Variants in BRMS1L observed in about 807,000 individuals in gnomAD.
The protein encoded by BRMS1L is breast cancer metastasis-suppressor 1-like protein.
A neutral mutation model predicts 50.3 loss-of-function variants in BRMS1L; 23 were observed. The ratio of observed to expected loss-of-function variants is 0.46; its 90% confidence interval spans 0.33 to 0.65. BRMS1L has a LOEUF of 0.65. Among genes scored for constraint, BRMS1L ranks in the 30% least tolerant of loss-of-function variants. The pLI is 0.02. For synonymous variants in BRMS1L, 114 were observed against 126.9 expected, an observed-to-expected ratio of 0.90 and a Z score of 0.69; for missense variants, 286 against 386.1, an observed-to-expected ratio of 0.74 and a Z score of 2.17.
chr14:35,846,546 A>G (rs1450712400), intron 4 of BRMS1L, among the ~76,000 whole-genome samples: 1 of 152,146 alleles, frequency 6.6e-6, no homozygotes, highest in East Asian at 1.9e-4. Flanking sequence ...ATTTCAGGCC[A>G]GTTATTTTGT....
chr14:35,859,558 G>A (rs2142059476), intron 4 of BRMS1L, among the ~76,000 whole-genome samples: 1 of 152,292 alleles, frequency 6.6e-6, no homozygotes, highest in South Asian at 2.1e-4. Context: ...TCTTGGTATT[G>A]TGGGATTGTG....
intron 6 of BRMS1L, among the ~76,000 whole-genome samples, chr14:35,864,683 C>A (rs145607520): frequency 4.5e-3 from 691 of 152,164 alleles, no homozygotes; most frequent in African/African-American, 0.015. Flanking sequence ...CCTTAAAAAC[C>A]AGTGATTGTG....
intron 6 of BRMS1L, among the ~76,000 whole-genome samples, chr14:35,864,660 C>T (rs992895638): frequency 2.6e-5 from 4 of 152,184 alleles, no homozygotes; most frequent in African/African-American, 4.8e-5. Flanking sequence ...CTACCCCCAT[C>T]TTTTCCCCTC....
At chr14:35,868,582 G>T (rs2142066571) in intron 9 of BRMS1L, among the ~76,000 whole-genome samples, 1 of 152,268 alleles carries the variant, frequency 6.6e-6, no homozygotes, top group Non-Finnish European at 1.5e-5. Flanking sequence ...AGGAGTTCAA[G>T]ACTAGCTTGG....
At position 35,826,805 on chromosome 14, in the gene BRMS1L, C is replaced by T. The variant is rs550507817; in HGVS notation, c.142+147C>T. The T allele has an allele frequency of 2.2e-4, 262 of 1,211,414 alleles. 2 individuals are homozygous for T. Among genetic ancestry groups the T allele is most frequent in the South Asian group, 1.3e-3 (84 of 62,544 alleles). 75.0% of individuals were successfully genotyped at this position (1,211,414 alleles called of 1,614,324 possible). ...GACTGGCTCTGGGCCCTGGGCTGCA[C>T]CCTGACCGGTCGCTGGGCGCTGTCT... On this transcript the variant is annotated intron_variant, in intron 1 of 9. Transcript: ENST00000216807.
intron 4 of BRMS1L, among the ~76,000 whole-genome samples, chr14:35,860,756 A>G (rs1243068209): frequency 2.6e-5 from 4 of 152,154 alleles, no homozygotes; most frequent in Non-Finnish European, 5.9e-5. Flanking sequence ...GGTCGGTACA[A>G]TAATGGAAGC....
chr14:35,834,962 T>G (rs773716909), intron 4 of BRMS1L, 39 bp downstream of exon 4: 6 of 1,502,008 alleles, frequency 4.0e-6, no homozygotes, highest in Non-Finnish European at 5.4e-6. Flanking sequence ...TAATTTCATC[T>G]CTTCAAGCCT....
In BRMS1L at chr14:35,870,550, G is replaced by A; in HGVS notation, c.*73G>A. 1 of 856,848 alleles carries A rather than the reference G, an allele frequency of 1.2e-6. No individual in the cohort carries two copies. The highest frequency in any genetic ancestry group is 1.9e-6 in the Non-Finnish European group (1 of 532,936). 53.1% of individuals were successfully genotyped at this position (856,848 alleles called of 1,614,324 possible). A position where few individuals can be genotyped will look rare whatever the true frequency, so the allele number is the denominator to read the frequency against. On this transcript the variant is annotated 3_prime_UTR_variant, in exon 10 of 10. Coordinates refer to ENST00000216807, the MANE Select transcript of BRMS1L (RefSeq NM_032352.4). ...GTAAGTGCCATGAGAGTAAAAAAAT[G>A]TATTCAATAACTTAATATTCTCACT...
chr14:35,870,363 T>C lies in BRMS1L; in HGVS notation c.858T>C (p.Ala286=). The C allele has an allele frequency of 6.4e-7, 1 of 1,553,996 alleles. No homozygotes were observed. Among genetic ancestry groups the C allele is most frequent in the East Asian group, 2.3e-5 (1 of 44,178 alleles). Residue 286 remains alanine (A), a synonymous_variant, in exon 10 of 10, where the codon GCT becomes GCC. Transcript: ENST00000216807. ...IDKKDECPTS[A]VITTINHDEV... is the part of the protein sequence containing the mutation. Reference sequence around the variant, plus strand: ...ATTCTTTTTTTTTTCTTTTTAGTGCTGTAATTACAACAATTAACCATGATG... The same window carrying C: ...ATTCTTTTTTTTTTCTTTTTAGTGCCGTAATTACAACAATTAACCATGATG...
At chr14:35,858,118 G>C (rs1046019284) in intron 4 of BRMS1L, among the ~76,000 whole-genome samples, 2 of 152,006 alleles carry the variant, frequency 1.3e-5, no homozygotes, top group African/African-American at 4.8e-5. Context: ...TTAAAGTTAG[G>C]TGTAAACAGT....
At chr14:35,841,412 C>T (rs2078061302) in intron 4 of BRMS1L, among the ~76,000 whole-genome samples, 1 of 152,036 alleles carries the variant, frequency 6.6e-6, no homozygotes, top group South Asian at 2.1e-4. Context: ...CATTCTCCTG[C>T]CTCAGCCTCC....
At chr14:35,868,153 T>G in intron 9 of BRMS1L, 121 bp downstream of exon 9, 2 of 917,442 alleles carry the variant, frequency 2.2e-6, no homozygotes, top group Non-Finnish European at 3.2e-6. Flanking sequence ...GATCCTTTTT[T>G]CACTTGACAT....
At chr14:35,830,190 C>T (rs1268655877) in intron 1 of BRMS1L, among the ~76,000 whole-genome samples, 1 of 152,242 alleles carries the variant, frequency 6.6e-6, no homozygotes, top group African/African-American at 2.4e-5. Context: ...CTGCCTCAAC[C>T]TCCCAGGTAG....
intron 4 of BRMS1L, among the ~76,000 whole-genome samples, chr14:35,845,331 C>A (rs1449898058): frequency 6.6e-6 from 1 of 152,104 alleles, no homozygotes; most frequent in Non-Finnish European, 1.5e-5. Flanking sequence ...AACATTTTTC[C>A]AACAAGTATG....
In BRMS1L at chr14:35,865,734, T is replaced by C. The variant is rs148498793; in HGVS notation, c.700T>C (p.Leu234=). ...TTTTTTAATTAAGGCAATGGCTACATTGGGGCCACACAGAGTGAAAACGGA... is the reference window on the plus strand; with the variant it reads ...TTTTTTAATTAAGGCAATGGCTACACTGGGGCCACACAGAGTGAAAACGGA... The part of the protein sequence containing the change: ...WTTIRKAMAT[L]GPHRVKTEPP... Residue 234 remains leucine, a synonymous_variant, in exon 8 of 10, where the codon TTG becomes CTG. Transcript: ENST00000216807. 177 of 1,595,206 alleles carry C rather than the reference T, an allele frequency of 1.1e-4. No individual in the cohort carries two copies. Among genetic ancestry groups the C allele is most frequent in the African/African-American group, 6.8e-5 (5 of 73,574 alleles).
At chr14:35,862,765 C>A in intron 5 of BRMS1L, 79 bp downstream of exon 5, 2 of 763,096 alleles carry the variant, frequency 2.6e-6, no homozygotes, top group Non-Finnish European at 3.9e-6. Context: ...GTATCTCAGT[C>A]TTCTAATATT....
In BRMS1L at chr14:35,863,906, G is replaced by C; in HGVS notation, c.575G>C (p.Arg192Thr). ...GATGAGCTTCAGTCAAGAAAAAAGA[G>C]GAAGGATCCTTTCAGTCCTGACAAA... ...WNDELQSRKK[R>T]KDPFSPDKKK... The change falls in exon 6 of 10, where the codon AGG becomes ACG. Residue 192 changes from arginine to threonine, a missense_variant. Coordinates refer to ENST00000216807, the MANE Select transcript of BRMS1L (RefSeq NM_032352.4). 1 of 1,613,958 alleles carries C rather than the reference G, an allele frequency of 6.2e-7. No homozygotes were observed. Among genetic ancestry groups the C allele is most frequent in the Non-Finnish European group, 8.5e-7 (1 of 1,179,936 alleles).
chr14:35,831,305 T>C, intron 1 of BRMS1L, 105 bp from the exon 2 acceptor site: 3 of 739,366 alleles, frequency 4.1e-6, no homozygotes, highest in South Asian at 3.5e-5. Context: ...CTTCTCTTCA[T>C]ATTACAGTTT....
intron 4 of BRMS1L, among the ~76,000 whole-genome samples, chr14:35,855,008 T>C (rs1201996576): frequency 1.3e-5 from 2 of 152,268 alleles, no homozygotes; most frequent in Admixed American, 1.3e-4. Context: ...GACAGACATA[T>C]TTCCCTCAGG....
Sources: gnomAD v4.1 joint callset for allele counts (sites outside exome capture counted in the v4.1 genomes callset) on GRCh38, gnomAD v4.1.1 for gene constraint, MANE v1.5 for transcripts, NCBI Gene and HGNC (gene_info 2026-07-23, HGNC 2026-07-21) for gene names.